Variants in SLC28A1 observed in about 807,000 individuals in gnomAD.
The protein encoded by SLC28A1 is sodium/nucleoside cotransporter 1.
Under a neutral mutation model 74.8 loss-of-function variants are expected in SLC28A1, and 64 were observed. That is an observed-to-expected ratio of 0.86 (90% CI 0.70 to 1.05). The LOEUF is 1.05. Ranked by LOEUF, SLC28A1 falls within the 50% of genes least tolerant of loss-of-function variation. The probability of loss-of-function intolerance (pLI) is 0.00; values close to 1 mark genes in which losing one functional copy is unlikely to be tolerated. For missense variants in SLC28A1, 828 were observed against 822.8 expected, an observed-to-expected ratio of 1.01 and a Z score of -0.08; for synonymous variants, 359 against 335.0, an observed-to-expected ratio of 1.07 and a Z score of -0.78.
chr15:84,937,596 G>C (rs1972083548), intron 15 of SLC28A1, among the ~76,000 whole-genome samples: 2 of 152,122 alleles, frequency 1.3e-5, no homozygotes, highest in Admixed American at 6.6e-5. Flanking sequence ...AGGGACTCTA[G>C]GTTTTTTAAA....
the SLC28A1 span, among the ~76,000 whole-genome samples, chr15:84,959,406 G>T: frequency 1.3e-5 from 2 of 151,982 alleles, no homozygotes; most frequent in African/African-American, 4.8e-5. Flanking sequence ...TGACCAGTCA[G>T]GGAAGTTTTA....
downstream of SLC28A1, among the ~76,000 whole-genome samples, chr15:84,947,796 A>G (rs1397819432): frequency 6.6e-6 from 1 of 151,970 alleles, no homozygotes; most frequent in East Asian, 1.9e-4. Context: ...CCCTCCTAAT[A>G]CCTTCACCTT....
At chr15:84,890,136 C>T (rs559937731) in intron 4 of SLC28A1, among the ~76,000 whole-genome samples, 1 of 151,566 alleles carries the variant, frequency 6.6e-6, no homozygotes, top group African/African-American at 2.4e-5. Flanking sequence ...CGCCCCCCCA[C>T]CGGCCACATT....
At chr15:84,928,973 C>A (rs1970968072) in intron 12 of SLC28A1, among the ~76,000 whole-genome samples, 1 of 152,236 alleles carries the variant, frequency 6.6e-6, no homozygotes. Flanking sequence ...CTCTGGCTCC[C>A]TTCTCCGCAC....
intron 4 of SLC28A1, among the ~76,000 whole-genome samples, chr15:84,890,124 C>T (rs1022830886): frequency 4.0e-5 from 3 of 74,896 alleles, no homozygotes; most frequent in Admixed American, 3.4e-4. Flanking sequence ...TGTGAGCCAC[C>T]GCGCCCCCCC....
At chr15:84,898,081 T>C (rs1305429230) in intron 6 of SLC28A1, among the ~76,000 whole-genome samples, 1 of 152,188 alleles carries the variant, frequency 6.6e-6, no homozygotes, top group African/African-American at 2.4e-5. Context: ...TTGGGAATCA[T>C]GCTGCAATAA....
Position 84,933,160 on chromosome 15 carries a change from T to G in SLC28A1, c.1099T>G (p.Leu367Val). 19 of 1,613,658 alleles carry G rather than the reference T, an allele frequency of 1.2e-5. No individual in the cohort carries two copies. The highest frequency in any genetic ancestry group is 1.6e-5 in the Non-Finnish European group (19 of 1,179,756). ...YISFGIDATSLIAASVMAAPC... is the reference protein window; with the variant it reads ...YISFGIDATSVIAASVMAAPC... ...ACTCTTGCAGATCGATGCCACCTCG[T>G]TGATTGCAGCCTCTGTGATGGCTGC... Residue 367 changes from leucine (L) to valine (V), a missense_variant, in exon 13 of 19, where the codon TTG becomes GTG. Transcript: ENST00000394573.
At chr15:84,946,084 T>TTG (rs1567196223), downstream of SLC28A1, among the ~76,000 whole-genome samples, 14 of 27,542 alleles carry the variant, frequency 5.1e-4, no homozygotes, top group African/African-American at 2.0e-3. Context: ...GTGTGTATGT[T>TTG]CATATATATA....
Position 84,924,036 on chromosome 15 carries a change from G to T in SLC28A1, c.1009G>T (p.Glu337Ter). The T allele has an allele frequency of 6.2e-7, 1 of 1,614,044 alleles. No homozygotes were observed. Among genetic ancestry groups the T allele is most frequent in the Non-Finnish European group, 8.5e-7 (1 of 1,180,024 alleles). The change falls in exon 12 of 19, where the codon GAA becomes TAA. Residue 337 changes from glutamate (E) to a stop codon, truncating the protein, a stop_gained. Transcript: ENST00000394573. LOFTEE classifies it high-confidence loss of function. Reference protein sequence around the residue: ...RPYLADMTLSEVHVVMTGGYA... With the variant: ...RPYLADMTLS Reference sequence around the variant, plus strand: ...CTACTTGGCAGACATGACACTCTCTGAAGTCCACGTTGTCATGACCGGAGG... The same window carrying T: ...CTACTTGGCAGACATGACACTCTCTTAAGTCCACGTTGTCATGACCGGAGG...
chr15:84,969,475 G>A, the SLC28A1 span, among the ~76,000 whole-genome samples: 2 of 152,100 alleles, frequency 1.3e-5, no homozygotes, highest in African/African-American at 4.8e-5. Context: ...ACAGATGCTG[G>A]CATCACCATT....
At chr15:84,895,371 C>T in intron 6 of SLC28A1, 1 of 1,613,988 alleles carries the variant, frequency 6.2e-7, no homozygotes, top group Non-Finnish European at 8.5e-7. Context: ...CAGTTTCCTC[C>T]ATTCAGGGAT....
At chr15:84,895,877 A>G in intron 6 of SLC28A1, 1 of 1,057,164 alleles carries the variant, frequency 9.5e-7, no homozygotes, top group Non-Finnish European at 1.1e-6. Flanking sequence ...AGTCAGGGGG[A>G]TGCAGGGGTA....
At chr15:84,968,041 G>A in the SLC28A1 span, among the ~76,000 whole-genome samples, 1 of 152,114 alleles carries the variant, frequency 6.6e-6, no homozygotes, top group African/African-American at 2.4e-5. Context: ...GGAATCACTG[G>A]GGACCAAGAC....
downstream of SLC28A1, among the ~76,000 whole-genome samples, chr15:84,946,271 A>T (rs2079228232): frequency 6.6e-6 from 1 of 150,646 alleles, no homozygotes. Context: ...AACCTTTTTG[A>T]TGGAAGTGTC....
chr15:84,886,305 T>C, intron 1 of SLC28A1: 1 of 984,526 alleles, frequency 1.0e-6, no homozygotes, highest in Non-Finnish European at 1.2e-6. Flanking sequence ...GAAAGGGAGA[T>C]AGAGAAAGAT....
In SLC28A1 at chr15:84,945,238, T is replaced by C. The variant is rs764448294; in HGVS notation, c.*38T>C. 7.7e-5 allele frequency: 122 copies of C among 1,589,924 alleles called. No individual in the cohort carries two copies. Among genetic ancestry groups the C allele is most frequent in the Non-Finnish European group, 1.0e-4 (117 of 1,158,106 alleles). ...CTTGTGCTTCTGCGCTTCTGAGGGC[T>C]GTTCTCCCCCGGGAACCATCTGTCC... On this transcript the variant is annotated 3_prime_UTR_variant, in exon 19 of 19. Coordinates refer to ENST00000394573, the MANE Select transcript of SLC28A1 (RefSeq NM_004213.5).
chr15:84,943,514 C>G lies in SLC28A1; in HGVS notation c.1651C>G (p.Leu551Val). The change falls in exon 16 of 19, where the codon CTG (leucine) becomes GTG (valine). Residue 551 changes from leucine (L) to valine (V), a missense_variant. Leu to Val is a conservative substitution (Grantham distance 32). Transcript: ENST00000394573. ...FANFSSIGIM[L>V]GGLTSMVPQR... ...CAATTTCAGCTCCATTGGGATCATG[C>G]TGGGAGGCTTGAGTGAGTCTAATCA... The G allele has an allele frequency of 6.2e-7, 1 of 1,613,684 alleles. No homozygotes were observed. The highest frequency in any genetic ancestry group is 1.3e-5 in the African/African-American group (1 of 75,058).
chr15:84,941,467 AG>A (rs1972687604), intron 15 of SLC28A1, among the ~76,000 whole-genome samples: 2 of 151,528 alleles, frequency 1.3e-5, no homozygotes, highest in African/African-American at 4.9e-5. Context: ...GGCTTCCCAA[AG>A]TGCTGGGATT....
At chr15:84,888,305 G>A (rs1596185465) in intron 3 of SLC28A1, among the ~76,000 whole-genome samples, 1 of 152,084 alleles carries the variant, frequency 6.6e-6, no homozygotes, top group East Asian at 1.9e-4. Context: ...AGGATACCCT[G>A]CACGCTCCCA....
Sources: gnomAD v4.1 joint callset for allele counts (sites outside exome capture counted in the v4.1 genomes callset) on GRCh38, gnomAD v4.1.1 for gene constraint, MANE v1.5 for transcripts, NCBI Gene and HGNC (gene_info 2026-07-23, HGNC 2026-07-21) for gene names.